Variants in TPST1 observed in about 807,000 individuals in gnomAD.
The protein encoded by TPST1 is tyrosylprotein sulfotransferase 1, also known as protein-tyrosine sulfotransferase 1.
In TPST1, 20 loss-of-function variants were observed where a neutral mutation model predicts 34.8. The observed-to-expected ratio is 0.57, with a 90% CI of 0.40 to 0.84. The LOEUF is 0.84. TPST1 is among the 40% of genes least tolerant of loss of function. The probability of loss-of-function intolerance (pLI) is 0.00; values close to 1 mark genes in which losing one functional copy is unlikely to be tolerated. For missense variants in TPST1, 353 were observed against 455.5 expected (o/e 0.78, Z 2.05); for synonymous variants, 152 against 159.4 (o/e 0.95, Z 0.35).
chr7:66,312,310 T>C (rs1584230430), intron 3 of TPST1, among the ~76,000 whole-genome samples: 1 of 152,344 alleles, frequency 6.6e-6, no homozygotes, highest in Middle Eastern at 3.4e-3. Flanking sequence ...CAGTTTTCCT[T>C]GGAATTTTAA....
At chr7:66,296,528 G>C (rs1791202141) in intron 3 of TPST1, among the ~76,000 whole-genome samples, 1 of 152,008 alleles carries the variant, frequency 6.6e-6, no homozygotes, top group African/African-American at 2.4e-5. Context: ...AGAGATTGTT[G>C]ACCGTTAGCT....
chr7:66,356,926 G>A (rs1054700506), intron 5 of TPST1, 55 bp downstream of exon 5: 1 of 1,594,268 alleles, frequency 6.3e-7, no homozygotes, highest in Non-Finnish European at 8.6e-7. Flanking sequence ...GGCTCTTGCA[G>A]GGGGCTGGGT....
At position 66,332,381 on chromosome 7, in the gene TPST1, C is replaced by T. The variant is rs1208072805; in HGVS notation, c.1045-20124C>T. Among the ~76,000 whole-genome samples, 2 of 151,962 alleles carry T rather than the reference C, an allele frequency of 1.3e-5. No homozygotes were observed. Among genetic ancestry groups the T allele is most frequent in the Non-Finnish European group, 2.9e-5 (2 of 68,016 alleles). On this transcript the variant is annotated intron_variant, in intron 3 of 5. Transcript: ENST00000304842. This position sits in a 1 kb window ranked among gnomAD's most constrained non-coding sequence, Gnocchi z 4.5. ...CTCCTGAGTTCAAGCGATTCTCCTG[C>T]CTCAGCCTCCCGAGTAGCTGGGATT...
intron 2 of TPST1, among the ~76,000 whole-genome samples, chr7:66,246,005 G>C (rs908947049): frequency 4.0e-5 from 6 of 151,502 alleles, no homozygotes; most frequent in African/African-American, 1.5e-4. Flanking sequence ...TATTGGGGTT[G>C]TGTCTTTTTT....
At chr7:66,274,834 A>G (rs575830850) in intron 2 of TPST1, among the ~76,000 whole-genome samples, 1 of 152,330 alleles carries the variant, frequency 6.6e-6, no homozygotes, top group African/African-American at 2.4e-5. Flanking sequence ...AATGCTTAGC[A>G]TCGCTAATCA....
chr7:66,294,069 A>T (rs184984346), intron 3 of TPST1, among the ~76,000 whole-genome samples: 232 of 152,314 alleles, frequency 1.5e-3, no homozygotes, highest in Non-Finnish European at 2.7e-3. Context: ...TTTAAAGTGC[A>T]CAATTCAGTG....
At chr7:66,323,313 A>G (rs1441613589) in intron 3 of TPST1, among the ~76,000 whole-genome samples, 1 of 152,184 alleles carries the variant, frequency 6.6e-6, no homozygotes, top group Non-Finnish European at 1.5e-5. Flanking sequence ...AAGTGCTGGG[A>G]TTACAGGCGT....
chr7:66,299,064 T>C (rs1437865064), intron 3 of TPST1, among the ~76,000 whole-genome samples: 1 of 151,678 alleles, frequency 6.6e-6, no homozygotes, highest in African/African-American at 2.4e-5. Flanking sequence ...AGGTGGAGCT[T>C]GCAGTGAGCT....
intron 3 of TPST1, among the ~76,000 whole-genome samples, chr7:66,328,779 A>C (rs1306096091): frequency 6.9e-6 from 1 of 144,046 alleles, no homozygotes; most frequent in African/African-American, 2.6e-5. Context: ...TCCTGGCATC[A>C]AGTGATCTGC....
intron 3 of TPST1, among the ~76,000 whole-genome samples, chr7:66,318,226 T>TTTTTTTTTTTTTTTTTTTTTTTTTTGAG: frequency 6.6e-6 from 1 of 152,188 alleles, no homozygotes; most frequent in South Asian, 2.1e-4. Context: ...TTAATATTTT[T>TTTTTTTTTTTTTTTTTTTTTTTTTTGAG]AAATCCCCAC....
rs1792659845 is a variant in TPST1 at position 66,360,011 on chromosome 7, C to T, written c.*146C>T. 1 of 456,136 alleles carries T rather than the reference C, an allele frequency of 2.2e-6. No individual in the cohort carries two copies. The highest frequency in any genetic ancestry group is 4.4e-6 in the Non-Finnish European group (1 of 226,546). The allele number at this position is 456,136 out of a possible 1,614,324, so 28.3% of individuals were successfully genotyped here. ...GCCTGTGCATTTGCCAGTTTCCTCC[C>T]ACTGAGAGGATGGAGGTGTCCGCAC... On this transcript the variant is annotated 3_prime_UTR_variant, in exon 6 of 6. Coordinates refer to ENST00000304842, the MANE Select transcript of TPST1 (RefSeq NM_003596.4).
chr7:66,327,395 G>A (rs1460183892), intron 3 of TPST1, among the ~76,000 whole-genome samples: 1 of 152,164 alleles, frequency 6.6e-6, no homozygotes, highest in Non-Finnish European at 1.5e-5. Flanking sequence ...ACCCCTGGTT[G>A]TAAGACTAGT....
chr7:66,277,503 T>TC (rs1328444026), intron 2 of TPST1, among the ~76,000 whole-genome samples: 3 of 152,216 alleles, frequency 2.0e-5, no homozygotes, highest in Non-Finnish European at 4.4e-5. Context: ...AGTTTTGTTG[T>TC]CCATGGTGTT....
At chr7:66,242,521 C>G (rs912298367) in intron 2 of TPST1, among the ~76,000 whole-genome samples, 8 of 152,044 alleles carry the variant, frequency 5.3e-5, no homozygotes, top group Non-Finnish European at 8.8e-5. Context: ...TATGACATAC[C>G]ATCATTGTAG....
chr7:66,328,902 ATATATTTTTTTT>A (rs1208912790), intron 3 of TPST1, among the ~76,000 whole-genome samples: 1 of 38,606 alleles, frequency 2.6e-5, no homozygotes, highest in African/African-American at 1.7e-4. Context: ...ATATATATAT[ATATATTTTTTTT>A]TTTTTTTTTT....
At chr7:66,272,308 A>G (rs947994816) in intron 2 of TPST1, among the ~76,000 whole-genome samples, 1 of 152,198 alleles carries the variant, frequency 6.6e-6, no homozygotes, top group South Asian at 2.1e-4. Context: ...TACAAAGGTG[A>G]TTCAAAATAA....
intron 1 of TPST1, among the ~76,000 whole-genome samples, chr7:66,216,128 A>C (rs6460281): frequency 0.23 from 34,684 of 152,038 alleles, 4,182 homozygotes; most frequent in East Asian, 0.35. Context: ...TTATAGATTT[A>C]TTCAGATTTT....
chr7:66,270,820 T>C (rs761785953), intron 2 of TPST1, among the ~76,000 whole-genome samples: 11 of 152,196 alleles, frequency 7.2e-5, no homozygotes, highest in Non-Finnish European at 1.6e-4. Flanking sequence ...ATATACATTA[T>C]GTGTGGTTGT....
intron 3 of TPST1, among the ~76,000 whole-genome samples, chr7:66,304,317 C>G (rs1446691114): frequency 6.6e-6 from 1 of 152,064 alleles, no homozygotes; most frequent in Non-Finnish European, 1.5e-5. Context: ...TGTGGGATCC[C>G]AAGGAAAGGT....
Sources: gnomAD v4.1 joint callset for allele counts (sites outside exome capture counted in the v4.1 genomes callset) on GRCh38, gnomAD v4.1.1 for gene constraint, Gnocchi (gnomAD v3.1) non-coding constraint, MANE v1.5 for transcripts, NCBI Gene and HGNC (gene_info 2026-07-23, HGNC 2026-07-21) for gene names.